Variants in TCF4 observed in about 807,000 individuals in gnomAD.
TCF4 encodes transcription factor 4.
A neutral mutation model predicts 82.1 loss-of-function variants in TCF4; 3 were observed. The observed-to-expected ratio is 0.04, with a 90% confidence interval of 0.02 to 0.09. The LOEUF (loss-of-function observed/expected upper bound fraction) is 0.09, where lower values mean the gene tolerates loss of function less well. Among genes scored for constraint, TCF4 ranks in the 10% least tolerant of loss-of-function variants. The probability of loss-of-function intolerance (pLI) is 1.00; values close to 1 mark genes in which losing one functional copy is unlikely to be tolerated. For synonymous variants in TCF4, 276 were observed against 309.6 expected (o/e 0.89, Z 1.14); for missense variants, 518 against 852.7 (o/e 0.61, Z 4.89).
intron 3 of TCF4, among the ~76,000 whole-genome samples, chr18:55,558,965 T>A (rs2097330439): frequency 6.6e-6 from 1 of 151,052 alleles, no homozygotes; most frequent in Admixed American, 6.6e-5. Context: ...GGCAGTAAAG[T>A]CATTGAATAG....
chr18:55,478,048 G>A (rs2096335138), intron 3 of TCF4, among the ~76,000 whole-genome samples: 1 of 152,196 alleles, frequency 6.6e-6, no homozygotes, highest in Admixed American at 6.6e-5. Context: ...AAAGGAGATA[G>A]AGGCAAAGAC....
At chr18:55,585,377 A>C (rs536111425) in intron 2 of TCF4, 25 bp from the exon 3 acceptor site, 91 of 1,605,438 alleles carry the variant, frequency 5.7e-5, no homozygotes, top group Non-Finnish European at 7.8e-5. Context: ...GAAATATTAC[A>C]GTTGAAAAGA....
chr18:55,351,804 A>G, intron 6 of TCF4: 1 of 894,488 alleles, frequency 1.1e-6, no homozygotes, highest in Non-Finnish European at 1.3e-6. Context: ...CCCATAATAT[A>G]TAAATCGCTT....
At chr18:55,558,780 T>C (rs2097328302) in intron 3 of TCF4, among the ~76,000 whole-genome samples, 1 of 152,140 alleles carries the variant, frequency 6.6e-6, no homozygotes, top group Non-Finnish European at 1.5e-5. Flanking sequence ...GATATACTTA[T>C]TTAGGTCACT....
At chr18:55,387,358 C>T (rs1397020620) in intron 6 of TCF4, among the ~76,000 whole-genome samples, 1 of 152,188 alleles carries the variant, frequency 6.6e-6, no homozygotes, top group Non-Finnish European at 1.5e-5. Flanking sequence ...ATAGTCAAGG[C>T]TCTCTCTAGT....
chr18:55,465,185 A>G (rs2144941871), intron 3 of TCF4, among the ~76,000 whole-genome samples: 1 of 152,352 alleles, frequency 6.6e-6, no homozygotes, highest in Non-Finnish European at 1.5e-5. Flanking sequence ...ACTAAGGTTC[A>G]GGAGACACAA....
At chr18:55,537,415 C>T (rs1370418607) in intron 3 of TCF4, among the ~76,000 whole-genome samples, 4 of 152,048 alleles carry the variant, frequency 2.6e-5, no homozygotes, top group African/African-American at 9.7e-5. Flanking sequence ...CATGGCGAAA[C>T]ACCATCTCTA....
chr18:55,567,888 T>A (rs1437673346), intron 3 of TCF4, among the ~76,000 whole-genome samples: 1 of 152,154 alleles, frequency 6.6e-6, no homozygotes, highest in Admixed American at 6.5e-5. Flanking sequence ...TACAGAATAG[T>A]TCTCTGACAA....
chr18:55,356,593 T>C (rs1343638971), intron 6 of TCF4, among the ~76,000 whole-genome samples: 1 of 152,200 alleles, frequency 6.6e-6, no homozygotes, highest in Non-Finnish European at 1.5e-5. Flanking sequence ...AAATGTGTTA[T>C]ATGCGATAGA....
chr18:55,563,119 G>A (rs1314046043), intron 3 of TCF4, among the ~76,000 whole-genome samples: 1 of 151,438 alleles, frequency 6.6e-6, no homozygotes, highest in Non-Finnish European at 1.5e-5. Context: ...CACTCCTGTG[G>A]TTCCAGCTAG....
intron 3 of TCF4, among the ~76,000 whole-genome samples, chr18:55,523,787 T>C (rs1035923688): frequency 1.3e-5 from 2 of 152,108 alleles, no homozygotes; most frequent in East Asian, 1.9e-4. Context: ...TGTTCTGCAA[T>C]ACATAGTATC....
intron 6 of TCF4, among the ~76,000 whole-genome samples, chr18:55,390,004 C>T (rs191465211): frequency 2.0e-4 from 30 of 152,130 alleles, no homozygotes; most frequent in Admixed American, 1.4e-3. Flanking sequence ...CTAATCCCGA[C>T]GGACTGAAAT....
chr18:55,493,191 T>A (rs995171532), intron 3 of TCF4, among the ~76,000 whole-genome samples: 4 of 152,188 alleles, frequency 2.6e-5, no homozygotes, highest in African/African-American at 9.6e-5. Context: ...ACAAAGTCTA[T>A]TTTAAAAAAC....
chr18:55,492,258 G>A (rs2096584698), intron 3 of TCF4: 1 of 152,140 alleles, frequency 6.6e-6, no homozygotes, highest in Non-Finnish European at 1.5e-5. Context: ...CTCAGACTGT[G>A]CTTAAAGGAT....
chr18:55,634,522 G>C (rs2097734387), intron 1 of TCF4, among the ~76,000 whole-genome samples: 1 of 151,954 alleles, frequency 6.6e-6, no homozygotes, highest in South Asian at 2.1e-4. Flanking sequence ...ATTTCAAAAA[G>C]AAAAAACATC....
At chr18:55,589,823 G>A (rs1208952702), upstream of TCF4, 1 of 1,005,968 alleles carries the variant, frequency 9.9e-7, no homozygotes, top group Non-Finnish European at 1.2e-6. Flanking sequence ...AGGAGCTGCG[G>A]CCGCGGCTGC....
Position 55,586,153 on chromosome 18 carries a change from G to GAGA in TCF4, c.73-802_73-801insTCT, listed in dbSNP as rs1347218962. Reference sequence around the variant, plus strand: ...GGAGGAGAAGGAGGAGGAGGAGGAGGAGCAGCAGCAGCAGCAGCAGCAGCA... The same window carrying GAGA: ...GGAGGAGAAGGAGGAGGAGGAGGAGGAGAAGCAGCAGCAGCAGCAGCAGCAGCA... On this transcript the variant is annotated intron_variant, in intron 2 of 19. Coordinates refer to ENST00000354452, the MANE Select transcript of TCF4 (RefSeq NM_001083962.2). 4.9e-5 allele frequency: 35 copies of GAGA among 708,132 alleles called. No individual in the cohort carries two copies. The African/African-American group carries it at 5.6e-4, about 11-fold the overall frequency. 43.9% of individuals were successfully genotyped at this position (708,132 alleles called of 1,614,324 possible). A position where few individuals can be genotyped will look rare whatever the true frequency, so the allele number is the denominator to read the frequency against.
At chr18:55,350,156 A>G (rs1191504372) in intron 8 of TCF4, among the ~76,000 whole-genome samples, 7 of 152,030 alleles carry the variant, frequency 4.6e-5, no homozygotes. Context: ...TATCAACATA[A>G]CCACCCAGTC....
chr18:55,508,972 C>G (rs2096794859), intron 3 of TCF4, among the ~76,000 whole-genome samples: 1 of 152,120 alleles, frequency 6.6e-6, no homozygotes, highest in African/African-American at 2.4e-5. Flanking sequence ...AGTAAATCTC[C>G]TCTCAAAAAT....
Sources: gnomAD v4.1 joint callset for allele counts (sites outside exome capture counted in the v4.1 genomes callset) on GRCh38, gnomAD v4.1.1 for gene constraint, MANE v1.5 for transcripts, NCBI Gene and HGNC (gene_info 2026-07-23, HGNC 2026-07-21) for gene names.